The following ZBTB7C variants were observed in gnomAD, a reference collection of about 807,000 sequenced individuals.
ZBTB7C encodes zinc finger and BTB domain containing 7C, also known as zinc finger and BTB domain-containing protein 7C.
In ZBTB7C, 8 loss-of-function variants were observed where a neutral mutation model predicts 25.7. The observed-to-expected ratio is 0.31, with a 90% CI of 0.18 to 0.56. The LOEUF (loss-of-function observed/expected upper bound fraction) is 0.56, where lower values mean the gene tolerates loss of function less well. Ranked by LOEUF, ZBTB7C falls within the 20% of genes least tolerant of loss-of-function variation. ZBTB7C has a pLI of 0.91. For synonymous variants in ZBTB7C, 394 were observed against 369.0 expected (o/e 1.07, Z -0.78); for missense variants, 824 against 855.2 (o/e 0.96, Z 0.46).
At chr18:48,288,822 G>A (rs550226819) in intron 2 of ZBTB7C, among the ~76,000 whole-genome samples, 1 of 152,312 alleles carries the variant, frequency 6.6e-6, no homozygotes, top group South Asian at 2.1e-4. Context: ...GCCTCCAGAA[G>A]TGTGAGAAAT....
intron 3 of ZBTB7C, among the ~76,000 whole-genome samples, chr18:48,185,667 C>G (rs1321131963): frequency 6.6e-6 from 1 of 152,132 alleles, no homozygotes. Flanking sequence ...CTCTCCCGCA[C>G]AGCAATCGAG....
intron 4 of ZBTB7C, among the ~76,000 whole-genome samples, chr18:48,036,074 CA>C (rs2035956767): frequency 6.6e-6 from 1 of 152,154 alleles, no homozygotes; most frequent in Non-Finnish European, 1.5e-5. Flanking sequence ...AGCATGGGGC[CA>C]AAGAAATAGT....
chr18:48,261,610 A>C (rs1011662137), intron 2 of ZBTB7C, among the ~76,000 whole-genome samples: 3 of 151,562 alleles, frequency 2.0e-5, no homozygotes, highest in Admixed American at 6.6e-5. Context: ...ATGCCCACCC[A>C]ACAGCTCTGC....
intron 2 of ZBTB7C, among the ~76,000 whole-genome samples, chr18:48,209,444 T>G (rs2042652468): frequency 6.6e-6 from 1 of 152,172 alleles, no homozygotes; most frequent in South Asian, 2.1e-4. Context: ...CAAAAGTCAA[T>G]AATAAAATTT....
chr18:48,346,976 G>A (rs1223767242), intron 1 of ZBTB7C, among the ~76,000 whole-genome samples: 1 of 151,132 alleles, frequency 6.6e-6, no homozygotes, highest in Non-Finnish European at 1.5e-5. Context: ...GTAGAGATGG[G>A]TTTTCACCAT....
intron 2 of ZBTB7C, among the ~76,000 whole-genome samples, chr18:48,332,145 T>C (rs1384554306): frequency 6.6e-6 from 1 of 152,238 alleles, no homozygotes; most frequent in Admixed American, 6.5e-5. Flanking sequence ...TGCATTTGGT[T>C]GGTGCATCTA....
At chr18:48,257,564 C>T (rs1849043679) in intron 2 of ZBTB7C, among the ~76,000 whole-genome samples, 1 of 152,076 alleles carries the variant, frequency 6.6e-6, no homozygotes, top group Non-Finnish European at 1.5e-5. Flanking sequence ...CATGAGGGAG[C>T]ATTACCCTGA....
chr18:48,109,776 T>C (rs2039166681), intron 3 of ZBTB7C, among the ~76,000 whole-genome samples: 1 of 151,958 alleles, frequency 6.6e-6, no homozygotes. Context: ...CAAAAGGTAT[T>C]TATTAAAAAG....
chr18:48,103,025 TTA>T (rs1055757491), intron 3 of ZBTB7C, among the ~76,000 whole-genome samples: 6 of 147,374 alleles, frequency 4.1e-5, no homozygotes, highest in African/African-American at 7.4e-5. Flanking sequence ...TGTGGATATA[TTA>T]TATATATATA....
intron 3 of ZBTB7C, chr18:48,169,703 A>C (rs1435490452): frequency 6.6e-6 from 1 of 152,384 alleles, no homozygotes; most frequent in Non-Finnish European, 1.5e-5. Flanking sequence ...TTTTCCAGGG[A>C]AAGTCCCATT....
At chr18:48,078,583 G>A (rs897730192) in intron 3 of ZBTB7C, among the ~76,000 whole-genome samples, 1 of 152,176 alleles carries the variant, frequency 6.6e-6, no homozygotes, top group African/African-American at 2.4e-5. Flanking sequence ...GGGCTCCAAG[G>A]GTTGTGGTGA....
chr18:48,253,496 CTG>C (rs2043930021), intron 2 of ZBTB7C, among the ~76,000 whole-genome samples: 1 of 152,280 alleles, frequency 6.6e-6, no homozygotes, highest in East Asian at 1.9e-4. Context: ...ATTGCCCAAA[CTG>C]TAGCCTTGAG....
intron 3 of ZBTB7C, chr18:48,137,043 C>G (rs1317476809): frequency 1.0e-6 from 1 of 985,218 alleles, no homozygotes; most frequent in Non-Finnish European, 1.2e-6. Flanking sequence ...GTGCCCGGGC[C>G]GTGTCCTGAG....
rs180674802 is a variant in ZBTB7C at position 48,331,692 on chromosome 18, A to G, written c.-79+6482T>C. Among the ~76,000 whole-genome samples the G allele has an allele frequency of 2.6e-5, 4 of 152,282 alleles. 1 individual carries two copies. Among genetic ancestry groups the G allele is most frequent in the Admixed American group, 2.6e-4 (4 of 15,292 alleles). Reference sequence around the variant, plus strand: ...CTGAAATCTTTTTGCATGTGACCCTACCGTATTCTATACTGAGCAAATGTT... The same window carrying G: ...CTGAAATCTTTTTGCATGTGACCCTGCCGTATTCTATACTGAGCAAATGTT... On this transcript the variant is annotated intron_variant, in intron 2 of 4. Coordinates refer to ENST00000590800, the MANE Select transcript of ZBTB7C (RefSeq NM_001318841.2).
intron 2 of ZBTB7C, among the ~76,000 whole-genome samples, chr18:48,193,643 T>G (rs1008248496): frequency 1.3e-5 from 2 of 152,204 alleles, no homozygotes; most frequent in African/African-American, 4.8e-5. Context: ...ATGACTCCCC[T>G]GGCTGCTCCT....
At chr18:48,332,593 T>C (rs2046364034) in intron 2 of ZBTB7C, among the ~76,000 whole-genome samples, 1 of 151,792 alleles carries the variant, frequency 6.6e-6, no homozygotes, top group Admixed American at 6.6e-5. Flanking sequence ...TGGAAGATGC[T>C]CTCCTACCAT....
intron 2 of ZBTB7C, among the ~76,000 whole-genome samples, chr18:48,191,642 C>G (rs2042199268): frequency 6.6e-6 from 1 of 152,156 alleles, no homozygotes. Flanking sequence ...GAAAGTACTT[C>G]TGGGGCTAGT....
chr18:48,125,162 A>G (rs1228561095), intron 3 of ZBTB7C, among the ~76,000 whole-genome samples: 1 of 152,256 alleles, frequency 6.6e-6, no homozygotes. Context: ...GAGGACAGCT[A>G]TGATTATCCC....
chr18:48,096,722 C>G (rs776934549), intron 3 of ZBTB7C, among the ~76,000 whole-genome samples: 7 of 152,136 alleles, frequency 4.6e-5, no homozygotes, highest in African/African-American at 1.2e-4. Flanking sequence ...TATGAATAAG[C>G]ATTGTCCCAT....
Sources: allele counts gnomAD v4.1 joint callset (sites outside exome capture counted in the v4.1 genomes callset), GRCh38; gene constraint gnomAD v4.1.1; transcripts MANE v1.5; gene names NCBI Gene and HGNC (gene_info 2026-07-23, HGNC 2026-07-21).